Variants in GXYLT1 observed in about 807,000 individuals in gnomAD.
GXYLT1 encodes the protein glycosyltransferase 8 domain containing 3.
In GXYLT1, 29 loss-of-function variants were observed where a neutral mutation model predicts 54.0. The ratio of observed to expected loss-of-function variants is 0.54; its 90% CI spans 0.40 to 0.73. The LOEUF (loss-of-function observed/expected upper bound fraction) is 0.73, where lower values mean the gene tolerates loss of function less well. Among genes scored for constraint, GXYLT1 ranks in the 30% least tolerant of loss-of-function variants. GXYLT1 has a pLI of 0.00. For missense variants in GXYLT1, 490 were observed against 553.4 expected, an observed-to-expected ratio of 0.89 and a Z score of 1.15; for synonymous variants, 176 against 204.1, an observed-to-expected ratio of 0.86 and a Z score of 1.17.
At position 42,144,471 on chromosome 12, in the gene GXYLT1, C is replaced by T; in HGVS notation, c.176G>A (p.Gly59Asp). The T allele has an allele frequency of 3.8e-6, 5 of 1,303,928 alleles. No homozygotes were observed. The highest frequency in any genetic ancestry group is 4.9e-6 in the Non-Finnish European group (5 of 1,023,446). The allele number at this position is 1,303,928 out of a possible 1,614,324, so 80.8% of individuals were successfully genotyped here. The stretch of plus-strand genomic sequence containing the variant: ...CGCTGCGGGGCCCGCGACGCCGGCG[C>T]CTCTCACGGCGCCGCGTCCGCCGCC... ...LAGGGRGAVR[G>D]AGVAGPAAHP... Residue 59 changes from glycine to aspartate, a missense_variant, in exon 1 of 8, where the codon GGC (glycine) becomes GAC (aspartate). This residue lies in a region of GXYLT1 where 148 missense variants were observed against 210.7 expected (regional missense o/e 0.70). Transcript: ENST00000398675.
At chr12:42,098,122 A>C in intron 5 of GXYLT1, 89 bp from the exon 6 acceptor site, 1 of 1,222,378 alleles carries the variant, frequency 8.2e-7, no homozygotes, top group Admixed American at 2.1e-5. Context: ...CACAGCAACC[A>C]TTACAAATCC....
chr12:42,124,278 A>AT (rs1480707973), intron 2 of GXYLT1, among the ~76,000 whole-genome samples: 1 of 152,020 alleles, frequency 6.6e-6, no homozygotes, highest in Non-Finnish European at 1.5e-5. Flanking sequence ...TAAAGAACTG[A>AT]TTTTTTTAAA....
chr12:42,107,560 G>A lies in GXYLT1; in HGVS notation c.613-1491C>T, dbSNP rs539779294. ...ACAAAAATTAGCCAGGTGTGGTGGC[G>A]CATGCCTGTAATCCAAGCTACTCGG... On this transcript the variant is annotated intron_variant, in intron 4 of 7. Coordinates refer to ENST00000398675, the MANE Select transcript of GXYLT1 (RefSeq NM_173601.2). Among the ~76,000 whole-genome samples, 11 of 152,172 alleles carry A rather than the reference G, an allele frequency of 7.2e-5. No individual in the cohort carries two copies. The East Asian group carries it at 1.2e-3, about 16-fold the overall frequency.
At chr12:42,137,760 T>C (rs1289650150) in intron 1 of GXYLT1, among the ~76,000 whole-genome samples, 1 of 9,334 alleles carries the variant, frequency 1.1e-4, no homozygotes. Context: ...CCATCTCAAA[T>C]TGAAAAAAAA....
At chr12:42,103,859 G>A (rs1158598146) in intron 5 of GXYLT1, among the ~76,000 whole-genome samples, 1 of 151,616 alleles carries the variant, frequency 6.6e-6, no homozygotes, top group Non-Finnish European at 1.5e-5. Context: ...TACACCTCTA[G>A]GTAGCTTAGA....
At chr12:42,093,966 T>C (rs1451936044) in intron 7 of GXYLT1, among the ~76,000 whole-genome samples, 1 of 151,972 alleles carries the variant, frequency 6.6e-6, no homozygotes, top group African/African-American at 2.4e-5. Context: ...GGTCTGAATG[T>C]AATAAATGAA....
In GXYLT1 at chr12:42,129,860, G is replaced by A; in HGVS notation, c.222-9C>T. The A allele has an allele frequency of 6.3e-7, 1 of 1,580,714 alleles. No individual in the cohort carries two copies. Among genetic ancestry groups the A allele is most frequent in the Non-Finnish European group, 8.7e-7 (1 of 1,150,110 alleles). ...GAGAGAAATCTTTACACCTAACAGA[G>A]TAAGACAGAAATAAGAGTCCTGTGT... On this transcript the variant is annotated splice_polypyrimidine_tract_variant and intron_variant, in intron 1 of 7. Coordinates refer to ENST00000398675, the MANE Select transcript of GXYLT1 (RefSeq NM_173601.2).
chr12:42,144,771 T>G lies in GXYLT1; in HGVS notation c.-125A>C. ...CTCACCCGCAGCCGCCGCCGCCGCC[T>G]TGCGCCCGCTCCCTTCCTTCCCTCC... is the stretch of plus-strand genomic sequence containing the variant. On this transcript the variant is annotated 5_prime_UTR_variant, in exon 1 of 8. Coordinates refer to ENST00000398675, the MANE Select transcript of GXYLT1 (RefSeq NM_173601.2). 1.6e-6 allele frequency: 1 copy of G among 617,038 alleles called. No homozygotes were observed. Among genetic ancestry groups the G allele is most frequent in the Non-Finnish European group, 2.4e-6 (1 of 420,524 alleles). The allele number at this position is 617,038 out of a possible 1,614,324, so 38.2% of individuals were successfully genotyped here.
chr12:42,122,934 AAAG>A (rs2065539503), intron 2 of GXYLT1, among the ~76,000 whole-genome samples: 1 of 152,234 alleles, frequency 6.6e-6, no homozygotes, highest in Non-Finnish European at 1.5e-5. Flanking sequence ...TAGCATGCCC[AAAG>A]AAGAACACAA....
chr12:42,138,033 T>C (rs1205191645), intron 1 of GXYLT1, among the ~76,000 whole-genome samples: 2 of 152,134 alleles, frequency 1.3e-5, no homozygotes, highest in Non-Finnish European at 2.9e-5. Flanking sequence ...TTTGGGAGTC[T>C]GAGGCAGGCA....
chr12:42,107,470 C>T (rs1481867208), intron 4 of GXYLT1, among the ~76,000 whole-genome samples: 3 of 152,124 alleles, frequency 2.0e-5, no homozygotes, highest in African/African-American at 4.8e-5. Flanking sequence ...GCGGGCAGAT[C>T]ACCTGAGGTC....
intron 3 of GXYLT1, among the ~76,000 whole-genome samples, chr12:42,113,764 C>A (rs1207286204): frequency 6.6e-6 from 1 of 150,966 alleles, no homozygotes; most frequent in Non-Finnish European, 1.5e-5. Context: ...GAACTCAGCT[C>A]TGCACCAAGC....
At chr12:42,133,518 C>T (rs1433989282) in intron 1 of GXYLT1, among the ~76,000 whole-genome samples, 1 of 152,122 alleles carries the variant, frequency 6.6e-6, no homozygotes, top group East Asian at 1.9e-4. Context: ...CAACAGCCTC[C>T]ACTGAGCTCC....
intron 1 of GXYLT1, among the ~76,000 whole-genome samples, chr12:42,133,053 T>C (rs553399674): frequency 2.4e-4 from 36 of 152,168 alleles, no homozygotes; most frequent in Non-Finnish European, 4.9e-4. Flanking sequence ...GAGGCCAAGG[T>C]AGGCGGATCA....
chr12:42,123,438 G>C (rs1252178967), intron 2 of GXYLT1, among the ~76,000 whole-genome samples: 1 of 152,076 alleles, frequency 6.6e-6, no homozygotes, highest in Non-Finnish European at 1.5e-5. Context: ...TATGCTTACT[G>C]TACTATTCTT....
rs1372689550 is a variant in GXYLT1 at position 42,083,184 on chromosome 12, T to A, written c.*4602A>T. On this transcript the variant is annotated 3_prime_UTR_variant, in exon 8 of 8. Coordinates refer to ENST00000398675, the MANE Select transcript of GXYLT1 (RefSeq NM_173601.2). ...GATATTTGAATAACACATTAATTTT[T>A]TAAAAAAAAATTTTCTGGTACCATT... The A allele has an allele frequency of 2.6e-4, 39 of 152,046 alleles. No homozygotes were observed. Among genetic ancestry groups the A allele is most frequent in the South Asian group, 8.3e-4 (4 of 4,826 alleles). 9.4% of individuals were successfully genotyped at this position (152,046 alleles called of 1,614,324 possible).
At chr12:42,117,114 A>G (rs1413812024) in intron 3 of GXYLT1, among the ~76,000 whole-genome samples, 1 of 116,052 alleles carries the variant, frequency 8.6e-6, no homozygotes, top group Non-Finnish European at 1.7e-5. Context: ...AACATCACAC[A>G]TCGGGGACTG....
chr12:42,123,197 C>T (rs1217403655), intron 2 of GXYLT1, among the ~76,000 whole-genome samples: 3 of 152,038 alleles, frequency 2.0e-5, no homozygotes, highest in African/African-American at 7.2e-5. Flanking sequence ...ATACAAAGGA[C>T]ATTAACAGGA....
At chr12:42,109,761 A>G (rs888525781) in intron 3 of GXYLT1, 70 bp from the exon 4 acceptor site, 24 of 1,023,490 alleles carry the variant, frequency 2.3e-5, no homozygotes, top group Middle Eastern at 2.1e-4. Flanking sequence ...AAAACAACAG[A>G]TTATAAAACA....
Sources: allele counts gnomAD v4.1 joint callset (sites outside exome capture counted in the v4.1 genomes callset), GRCh38; gene constraint gnomAD v4.1.1; regional missense constraint gnomAD v4.1.1; transcripts MANE v1.5; gene names NCBI Gene and HGNC (gene_info 2026-07-23, HGNC 2026-07-21).